COMTD1: variants seen among roughly 807,000 people sequenced by gnomAD.
COMTD1 encodes catechol-O-methyltransferase domain containing 1, also known as catechol O-methyltransferase domain-containing protein 1.
COMTD1 carries 35 observed loss-of-function variants against 33.6 expected under a neutral mutation model. That is an observed-to-expected ratio of 1.04 (90% confidence interval 0.80 to 1.38). COMTD1 has a LOEUF of 1.38. COMTD1 is among the 40% of genes most tolerant of loss of function. The pLI, the probability that COMTD1 is intolerant of heterozygous loss-of-function variation, is 0.00. For synonymous variants in COMTD1, 160 were observed against 176.8 expected, an observed-to-expected ratio of 0.91 and a Z score of 0.75; for missense variants, 370 against 363.4, an observed-to-expected ratio of 1.02 and a Z score of -0.15.
In COMTD1 at chr10:75,234,979, T is replaced by C; in HGVS notation, c.461A>G (p.His154Arg). The C allele has an allele frequency of 6.6e-7, 1 of 1,521,636 alleles. No individual in the cohort carries two copies. Among genetic ancestry groups the C allele is most frequent in the Non-Finnish European group, 8.8e-7 (1 of 1,137,548 alleles). 94.3% of individuals were successfully genotyped at this position (1,521,636 alleles called of 1,614,324 possible). The change falls in exon 5 of 7, where the codon CAC becomes CGC. Residue 154 changes from histidine to arginine, a missense_variant. Physicochemically the swap from His to Arg is conservative, Grantham distance 29. Coordinates refer to ENST00000372538, the MANE Select transcript of COMTD1 (RefSeq NM_144589.4). ...RPLWRQAEAE[H>R]KIDLRLKPAL... is the part of the protein sequence containing the mutation. ...GGGCTTCAGCCGGAGGTCGATCTTG[T>C]GCTCCGCCTCGGCCTGCGGAGGGAG...
rs979865919 is a variant in COMTD1, at chr10:75,234,199, T to C, written c.663A>G (p.Gln221=). ...CGGCCGCCACGTCCCCTTTCGGAGG[T>C]TGCAGCACCTTCCCGCGCCACAGGA... is the stretch of plus-strand genomic sequence containing the variant. ...LRVLWRGKVL[Q]PPKGDVAAEC... The change falls in exon 7 of 7, where the codon CAA becomes CAG. Residue 221 remains glutamine (Q), a synonymous_variant. Transcript: ENST00000372538. The C allele has an allele frequency of 1.2e-5, 20 of 1,612,822 alleles. No homozygotes were observed. In the Admixed American group the frequency reaches 2.0e-4, roughly 16 times the overall value.
Position 75,235,763 on chromosome 10 carries a change from G to A in COMTD1, c.95-20C>T, listed in dbSNP as rs758079114. ...GCCTCCCTGACGGGGAGAGGGTGTT[G>A]GATTAACCTGAGCCACGCCGCGCCC... On this transcript the variant is annotated intron_variant, in intron 1 of 6. Coordinates refer to ENST00000372538, the MANE Select transcript of COMTD1 (RefSeq NM_144589.4). 10 of 1,590,166 alleles carry A rather than the reference G, an allele frequency of 6.3e-6. No individual in the cohort carries two copies. The highest frequency in any genetic ancestry group is 7.7e-6 in the Non-Finnish European group (9 of 1,170,636).
Position 75,233,862 on chromosome 10 carries a change from C to A in COMTD1, c.*211G>T. 7.6e-7 allele frequency: 1 copy of A among 1,318,838 alleles called. No homozygotes were observed. Among genetic ancestry groups the A allele is most frequent in the Non-Finnish European group, 1.0e-6 (1 of 996,432 alleles). 81.7% of individuals were successfully genotyped at this position (1,318,838 alleles called of 1,614,324 possible). On this transcript the variant is annotated 3_prime_UTR_variant, in exon 7 of 7. Coordinates refer to ENST00000372538, the MANE Select transcript of COMTD1 (RefSeq NM_144589.4). ...TCCTGCAGTTGGGCCACAGACCTGG[C>A]GCCAGGGAGGGGACGAATCTCAAGG...
At chr10:75,235,428 G>A in intron 2 of COMTD1, 56 bp from the exon 3 acceptor site, 2 of 1,400,168 alleles carry the variant, frequency 1.4e-6, no homozygotes, top group South Asian at 1.4e-5. Flanking sequence ...TTCGCCCTGG[G>A]GGTCCCAAGC....
Position 75,234,734 on chromosome 10 carries a change from A to G in COMTD1, c.512T>C (p.Leu171Pro). Reference sequence around the variant, plus strand: ...GAAGGTGCCGGCCTCGCCCGCCGCCAGCAGCTCGTCTTGCGGGGGGAGGGA... The same window carrying G: ...GAAGGTGCCGGCCTCGCCCGCCGCCGGCAGCTCGTCTTGCGGGGGGAGGGA... ...KPALETLDEL[L>P]AAGEAGTFDV... The change falls in exon 6 of 7, where the codon CTG becomes CCG. Residue 171 changes from leucine (L) to proline (P), a missense_variant. Transcript: ENST00000372538. The G allele has an allele frequency of 6.3e-7, 1 of 1,588,844 alleles. No homozygotes were observed. Among genetic ancestry groups the G allele is most frequent in the Non-Finnish European group, 8.6e-7 (1 of 1,169,316 alleles).
rs1292756423 is a variant in COMTD1, at chr10:75,235,625, G to A, written c.213C>T (p.Ser71=). 6.3e-7 allele frequency: 1 copy of A among 1,591,850 alleles called. No individual in the cohort carries two copies. Among genetic ancestry groups the A allele is most frequent in the African/African-American group, 1.3e-5 (1 of 74,344 alleles). Residue 71 remains serine, a synonymous_variant, in exon 2 of 7, where the codon AGC becomes AGT. Transcript: ENST00000372538. ...CCCGCGCCCTGCTGACCAGCCTCAGGCTTCGCAGCGCCGGGTGCTCCCGCA... is the reference window on the plus strand; with the variant it reads ...CCCGCGCCCTGCTGACCAGCCTCAGACTTCGCAGCGCCGGGTGCTCCCGCA... The part of the protein sequence containing the change: ...RSMREHPALR[S]LRLLTLEQPQ...
rs1208990950 is a variant in COMTD1 at position 75,233,732 on chromosome 10, G to A, written c.*341C>T. On this transcript the variant is annotated 3_prime_UTR_variant, in exon 7 of 7. Coordinates refer to ENST00000372538, the MANE Select transcript of COMTD1 (RefSeq NM_144589.4). ...GAACCAGAGCTTCGCCTGCCCTGAG[G>A]GAGAGATGTAGGAGGCAGACAAGCC... Among the ~76,000 whole-genome samples the A allele has an allele frequency of 6.6e-6, 1 of 152,254 alleles. No homozygotes were observed. Among genetic ancestry groups the A allele is most frequent in the East Asian group, 1.9e-4 (1 of 5,196 alleles).
At chr10:75,235,579 G>C in intron 2 of COMTD1, 37 bp downstream of exon 2, 1 of 1,551,974 alleles carries the variant, frequency 6.4e-7, no homozygotes. Flanking sequence ...CGCAGGGGTC[G>C]AGAGGGACGC....
In COMTD1 at chr10:75,233,829, C is replaced by T; in HGVS notation, c.*244G>A. The T allele has an allele frequency of 1.0e-6, 1 of 974,496 alleles. No individual in the cohort carries two copies. Among genetic ancestry groups the T allele is most frequent in the South Asian group, 1.7e-5 (1 of 57,486 alleles). The allele number at this position is 974,496 out of a possible 1,614,324, so 60.4% of individuals were successfully genotyped here. A position where few individuals can be genotyped will look rare whatever the true frequency, so the allele number is the denominator to read the frequency against. On this transcript the variant is annotated 3_prime_UTR_variant, in exon 7 of 7. Coordinates refer to ENST00000372538, the MANE Select transcript of COMTD1 (RefSeq NM_144589.4). ...AACTTTATAACCTGCCTCCTGCCAG[C>T]TGGAGGTTCCTGCAGTTGGGCCACA...
Position 75,233,992 on chromosome 10 carries a change from TATTTTCG to T in COMTD1, c.*74_*80del, listed in dbSNP as rs1360371998. 4.4e-6 allele frequency: 7 copies of T among 1,609,038 alleles called. No homozygotes were observed. The highest frequency in any genetic ancestry group is 5.9e-6 in the Non-Finnish European group (7 of 1,179,292). On this transcript the variant is annotated 3_prime_UTR_variant, in exon 7 of 7. Transcript: ENST00000372538. ...GAGGTCGTGTGTCCCAGCCCCACTT[TATTTTCG>T]AATTTAAAACTCAGGGTCAATTCCT...
chr10:75,234,186 C>A lies in COMTD1; in HGVS notation c.676G>T (p.Asp226Tyr), dbSNP rs955999670. ...RGKVLQPPKG[D>Y]VAAECVRNLN... is the part of the protein sequence containing the mutation. ...TTTCGCACACACTCGGCCGCCACGT[C>A]CCCTTTCGGAGGTTGCAGCACCTTC... Residue 226 changes from aspartate to tyrosine, a missense_variant, in exon 7 of 7, where the codon GAC becomes TAC. Coordinates refer to ENST00000372538, the MANE Select transcript of COMTD1 (RefSeq NM_144589.4). 8.7e-6 allele frequency: 14 copies of A among 1,613,360 alleles called. No homozygotes were observed. Among genetic ancestry groups the A allele is most frequent in the Non-Finnish European group, 1.1e-5 (13 of 1,180,038 alleles).
Position 75,235,933 on chromosome 10 carries a change from C to A in COMTD1, c.-5G>T. ...CCGGGGCACCGGCTGGGTCATGGCGCGGGCAGGAGGCGGCGGGAGGCAGTG... is the reference window on the plus strand; with the variant it reads ...CCGGGGCACCGGCTGGGTCATGGCGAGGGCAGGAGGCGGCGGGAGGCAGTG... On this transcript the variant is annotated 5_prime_UTR_variant, in exon 1 of 7. Coordinates refer to ENST00000372538, the MANE Select transcript of COMTD1 (RefSeq NM_144589.4). 2.1e-6 allele frequency: 3 copies of A among 1,448,658 alleles called. No homozygotes were observed. The highest frequency in any genetic ancestry group is 2.7e-6 in the Non-Finnish European group (3 of 1,109,646). 89.7% of individuals were successfully genotyped at this position (1,448,658 alleles called of 1,614,324 possible). A position where few individuals can be genotyped will look rare whatever the true frequency, so the allele number is the denominator to read the frequency against.
In COMTD1 at chr10:75,234,592, C is replaced by A. The variant is rs2132293454; in HGVS notation, c.636+18G>T. 3 of 1,548,846 alleles carry A rather than the reference C, an allele frequency of 1.9e-6. No individual in the cohort carries two copies. Among genetic ancestry groups the A allele is most frequent in the South Asian group, 1.2e-5 (1 of 83,754 alleles). On this transcript the variant is annotated intron_variant, in intron 6 of 6. Transcript: ENST00000372538. ...GCCCGACAGGGTGCTTTCTCCTCCC[C>A]CGCAGTGGATCCCTTACTCTGAGGA... is the stretch of plus-strand genomic sequence containing the variant.
Position 75,234,098 on chromosome 10 carries a change from C to T in COMTD1, c.764G>A (p.Gly255Glu). The change falls in exon 7 of 7, where the codon GGA (glycine) becomes GAA (glutamate). Residue 255 changes from glycine to glutamate, a missense_variant. By Grantham distance (98) the Gly-to-Glu change is moderately conservative. Transcript: ENST00000372538. ...CTAGATCTTGAAGGCCAAGGTGAGT[C>T]CATCGCCCAGGGGCAGGAGGCTGAT... ...VYISLLPLGD[G>E]LTLAFKI 1 of 1,614,024 alleles carries T rather than the reference C, an allele frequency of 6.2e-7. No individual in the cohort carries two copies. The highest frequency in any genetic ancestry group is 1.6e-4 in the Middle Eastern group (1 of 6,062).
At chr10:75,235,797 G>GGGCCC in intron 1 of COMTD1, 38 bp downstream of exon 1, 4 of 1,538,606 alleles carry the variant, frequency 2.6e-6, no homozygotes, top group Non-Finnish European at 3.5e-6. Flanking sequence ...CCTACTCTGC[G>GGGCCC]CCCGCCCACC....
chr10:75,234,387 C>T, intron 6 of COMTD1, 162 bp from the exon 7 acceptor site: 1 of 931,416 alleles, frequency 1.1e-6, no homozygotes, highest in Non-Finnish European at 1.5e-6. Flanking sequence ...GGTGTCTGGG[C>T]GGGAGGCGGG....
Position 75,235,298 on chromosome 10 carries a change from C to T in COMTD1, c.297G>A (p.Arg99=). ...CCAGCGCCTTCTTGGCCTGGATGAGCCGCGCCAGGTTGGCCAAGAGCTGGG... is the reference window on the plus strand; with the variant it reads ...CCAGCGCCTTCTTGGCCTGGATGAGTCGCGCCAGGTTGGCCAAGAGCTGGG... ...EQAQLLANLA[R]LIQAKKALDL... is the part of the protein sequence containing the mutation. The change falls in exon 3 of 7, where the codon CGG becomes CGA. Residue 99 remains arginine, a synonymous_variant. Coordinates refer to ENST00000372538, the MANE Select transcript of COMTD1 (RefSeq NM_144589.4). 6.9e-6 allele frequency: 11 copies of T among 1,589,244 alleles called. No homozygotes were observed. Among genetic ancestry groups the T allele is most frequent in the Non-Finnish European group, 9.4e-6 (11 of 1,170,970 alleles).
Position 75,234,619 on chromosome 10 carries a change from G to A in COMTD1, c.627C>T (p.Ala209=). Residue 209 remains alanine (A), a synonymous_variant, in exon 6 of 7, where the codon GCC becomes GCT. Transcript: ENST00000372538. ...GCAGTGGATCCCTTACTCTGAGGAC[G>A]GCGAGGATGCCTCCGGGTCGCAGCA... ...LQLLRPGGIL[A]VLRVLWRGKV... The A allele has an allele frequency of 1.9e-6, 3 of 1,562,936 alleles. No homozygotes were observed. The highest frequency in any genetic ancestry group is 1.4e-5 in the African/African-American group (1 of 73,514).
chr10:75,234,284 G>C (rs1842153438), intron 6 of COMTD1, 59 bp from the exon 7 acceptor site: 1 of 1,542,322 alleles, frequency 6.5e-7, no homozygotes, highest in African/African-American at 1.4e-5. Flanking sequence ...GGAGGTGCTC[G>C]GGCGGAAGGC....
Sources: gnomAD v4.1 joint callset for allele counts (sites outside exome capture counted in the v4.1 genomes callset) on GRCh38, gnomAD v4.1.1 for gene constraint, MANE v1.5 for transcripts, NCBI Gene and HGNC (gene_info 2026-07-23, HGNC 2026-07-21) for gene names.